Variants in VDAC1 observed in about 807,000 individuals in gnomAD.
VDAC1 encodes the protein non-selective voltage-gated ion channel VDAC1.
A neutral mutation model predicts 34.7 loss-of-function variants in VDAC1; 10 were observed. The observed-to-expected ratio is 0.29, with a 90% CI of 0.18 to 0.49. The LOEUF is 0.49. Ranked by LOEUF, VDAC1 falls within the 20% of genes least tolerant of loss-of-function variation. The probability of loss-of-function intolerance (pLI) is 0.99; values close to 1 mark genes in which losing one functional copy is unlikely to be tolerated. For synonymous variants in VDAC1, 130 were observed against 136.0 expected (o/e 0.96, Z 0.30); for missense variants, 230 against 347.9 (o/e 0.66, Z 2.69).
chr5:134,061,218 A>G, the VDAC1 span, among the ~76,000 whole-genome samples: 2 of 150,008 alleles, frequency 1.3e-5, no homozygotes, highest in African/African-American at 4.9e-5. Flanking sequence ...CTATGGCTAA[A>G]GCCCCATCCT....
intron 2 of VDAC1, 104 bp downstream of exon 2, chr5:133,992,842 A>T (rs1753157942): frequency 8.8e-7 from 1 of 1,134,472 alleles, no homozygotes; most frequent in Non-Finnish European, 1.2e-6. Context: ...GTGAAAGTTC[A>T]GAACAGCTGA....
chr5:134,085,886 C>G, the VDAC1 span, among the ~76,000 whole-genome samples: 1 of 151,954 alleles, frequency 6.6e-6, no homozygotes, highest in Non-Finnish European at 1.5e-5. Flanking sequence ...GAATAAGACC[C>G]TATCTCTGAA....
chr5:133,981,908 C>G, intron 5 of VDAC1, among the ~76,000 whole-genome samples: 1 of 152,214 alleles, frequency 6.6e-6, no homozygotes, highest in Non-Finnish European at 1.5e-5. Flanking sequence ...GACTACACAG[C>G]ACTGTTCACT....
chr5:134,088,413 G>A, the VDAC1 span, among the ~76,000 whole-genome samples: 1 of 152,182 alleles, frequency 6.6e-6, no homozygotes, highest in Non-Finnish European at 1.5e-5. Context: ...TCAGTCTTAG[G>A]GCAGGCCTAG....
chr5:134,014,694 C>T, the VDAC1 span, among the ~76,000 whole-genome samples: 1 of 152,026 alleles, frequency 6.6e-6, no homozygotes, highest in East Asian at 1.9e-4. Context: ...AGTGAAACCC[C>T]GTCTCTACTA....
the VDAC1 span, among the ~76,000 whole-genome samples, chr5:134,050,232 A>G: frequency 6.6e-6 from 1 of 152,220 alleles, no homozygotes; most frequent in South Asian, 2.1e-4. Flanking sequence ...CTGGCAAAAG[A>G]GCAAGACTCC....
At chr5:134,093,950 T>C in the VDAC1 span, among the ~76,000 whole-genome samples, 19 of 152,342 alleles carry the variant, frequency 1.2e-4, no homozygotes, top group African/African-American at 4.3e-4. Flanking sequence ...GTCCCCCAGC[T>C]GTGAGTCTCC....
intron 1 of VDAC1, among the ~76,000 whole-genome samples, chr5:133,994,384 C>T (rs1390885222): frequency 6.6e-6 from 1 of 152,216 alleles, no homozygotes; most frequent in Non-Finnish European, 1.5e-5. Context: ...AGAAGAGCAG[C>T]GAGCTGTTTA....
intron 5 of VDAC1, among the ~76,000 whole-genome samples, chr5:133,984,673 C>T (rs1413307878): frequency 1.3e-5 from 2 of 152,206 alleles, no homozygotes; most frequent in Non-Finnish European, 2.9e-5. Flanking sequence ...CAGTGCCTCA[C>T]ACCTGTAATT....
the VDAC1 span, among the ~76,000 whole-genome samples, chr5:134,046,731 A>C: frequency 6.6e-6 from 1 of 152,194 alleles, no homozygotes; most frequent in African/African-American, 2.4e-5. Context: ...GGACTACCCC[A>C]CAACACACAT....
the VDAC1 span, among the ~76,000 whole-genome samples, chr5:134,095,473 ACT>A: frequency 6.9e-6 from 1 of 144,652 alleles, no homozygotes; most frequent in African/African-American, 2.6e-5. Flanking sequence ...GCAGAGTGAG[ACT>A]CTGTCTCAGT....
intron 5 of VDAC1, among the ~76,000 whole-genome samples, chr5:133,987,730 A>G (rs762972489): frequency 9.9e-5 from 15 of 152,240 alleles, no homozygotes; most frequent in Admixed American, 3.9e-4. Flanking sequence ...ATGATGAGAA[A>G]TAGAATATCT....
the VDAC1 span, among the ~76,000 whole-genome samples, chr5:134,080,561 C>A: frequency 9.8e-3 from 444 of 45,454 alleles, no homozygotes; most frequent in African/African-American, 0.03. Context: ...ACCGAGGTAC[C>A]ATACCGTGAG....
chr5:134,026,146 G>A, the VDAC1 span, among the ~76,000 whole-genome samples: 1 of 152,148 alleles, frequency 6.6e-6, no homozygotes, highest in South Asian at 2.1e-4. Context: ...GATTCTAAGG[G>A]AGAGGGATCT....
rs375576369 is a variant in VDAC1, at chr5:133,979,499, G to A, written c.551+1230C>T. On this transcript the variant is annotated intron_variant, in intron 6 of 8. Transcript: ENST00000265333. ...GGCTAGAGCGCAGTGGCGTGATCTCGGCTCATTGCAAACTCCACCTCCCAG... is the reference window on the plus strand; with the variant it reads ...GGCTAGAGCGCAGTGGCGTGATCTCAGCTCATTGCAAACTCCACCTCCCAG... Among the ~76,000 whole-genome samples the A allele has an allele frequency of 1.2e-4, 15 of 122,152 alleles. No homozygotes were observed. In the East Asian group the frequency reaches 1.3e-3, roughly 10 times the overall value. The allele number at this position is 122,152 out of a possible 152,430, so 80.1% of individuals were successfully genotyped here.
the VDAC1 span, among the ~76,000 whole-genome samples, chr5:134,010,261 A>G: frequency 4.6e-5 from 7 of 152,288 alleles, no homozygotes; most frequent in African/African-American, 1.7e-4. Flanking sequence ...CAGCTTGGGC[A>G]TATTGAATCA....
At chr5:134,026,375 C>T in the VDAC1 span, among the ~76,000 whole-genome samples, 5 of 151,908 alleles carry the variant, frequency 3.3e-5, no homozygotes, top group African/African-American at 9.7e-5. Flanking sequence ...ATTAGCCAGG[C>T]GTGGTGGCGG....
intron 1 of VDAC1, 85 bp downstream of exon 1, chr5:134,004,810 C>T (rs920639920): frequency 7.3e-5 from 11 of 150,312 alleles, no homozygotes; most frequent in Non-Finnish European, 1.5e-4. Flanking sequence ...GCGCCCGGCC[C>T]GGCGCGCTCC....
chr5:134,015,770 G>A, the VDAC1 span, among the ~76,000 whole-genome samples: 5 of 152,010 alleles, frequency 3.3e-5, no homozygotes, highest in African/African-American at 9.6e-5. Context: ...TCAGCCTCCC[G>A]AGTAGCTGGG....
Sources: gnomAD v4.1 joint callset for allele counts (sites outside exome capture counted in the v4.1 genomes callset) on GRCh38, gnomAD v4.1.1 for gene constraint, MANE v1.5 for transcripts, NCBI Gene and HGNC (gene_info 2026-07-23, HGNC 2026-07-21) for gene names.